NFASC: variants seen among roughly 807,000 people sequenced by gnomAD.
NFASC encodes neurofascin homolog.
Under a neutral mutation model 147.5 loss-of-function variants are expected in NFASC, and 43 were observed. The ratio of observed to expected loss-of-function variants is 0.29; its 90% CI spans 0.23 to 0.38. The LOEUF (loss-of-function observed/expected upper bound fraction) is 0.38. NFASC is among the 10% of genes least tolerant of loss of function. NFASC has a pLI of 1.00. For missense variants in NFASC, 1,320 were observed against 1,689.0 expected (o/e 0.78, Z 3.83); for synonymous variants, 622 against 665.5 (o/e 0.93, Z 1.01).
chr1:204,869,763 C>T (rs1306087326), intron 1 of NFASC, among the ~76,000 whole-genome samples: 2 of 152,166 alleles, frequency 1.3e-5, no homozygotes, highest in Non-Finnish European at 2.9e-5. Context: ...TGCTCCAGAG[C>T]TCTTATAATC....
intron 1 of NFASC, among the ~76,000 whole-genome samples, chr1:204,885,290 AC>A (rs2081099082): frequency 6.6e-6 from 1 of 152,136 alleles, no homozygotes; most frequent in Admixed American, 6.5e-5. Flanking sequence ...ACAGTGTGGA[AC>A]AAGGAGGAAA....
chr1:204,988,775 C>T lies in NFASC; in HGVS notation c.2736C>T (p.Val912=), dbSNP rs1476787650. The part of the protein sequence containing the change: ...ARTQVGSGEA[V]TEESPAPPNE... Reference sequence around the variant, plus strand: ...CGCAGGTGGGCTCTGGGGAAGCCGTCACAGAGGAGTCACCAGCACCCCCGA... The same window carrying T: ...CGCAGGTGGGCTCTGGGGAAGCCGTTACAGAGGAGTCACCAGCACCCCCGA... Residue 912 remains valine (V), a synonymous_variant, in exon 23 of 30, where the codon GTC becomes GTT. Transcript: ENST00000339876. 2 of 1,613,976 alleles carry T rather than the reference C, an allele frequency of 1.2e-6. No homozygotes were observed. Among genetic ancestry groups the T allele is most frequent in the African/African-American group, 2.7e-5 (2 of 74,866 alleles).
intron 1 of NFASC, among the ~76,000 whole-genome samples, chr1:204,879,191 C>T (rs2079623459): frequency 6.6e-6 from 1 of 152,156 alleles, no homozygotes; most frequent in Admixed American, 6.5e-5. Context: ...ATGCCAGACA[C>T]TAGGTGCTTT....
intron 4 of NFASC, among the ~76,000 whole-genome samples, chr1:204,951,080 C>T (rs1245960148): frequency 1.3e-5 from 2 of 151,920 alleles, no homozygotes; most frequent in African/African-American, 4.8e-5. Flanking sequence ...GTATGTTGTG[C>T]TAGGCATTGT....
chr1:204,846,953 G>GTGTGTGTGTC (rs111723969), intron 1 of NFASC, among the ~76,000 whole-genome samples: 19,921 of 130,658 alleles, frequency 0.15, 1,732 homozygotes, highest in East Asian at 0.48. Context: ...GTGTGTACGC[G>GTGTGTGTGTC]TGTGTGTGTG....
chr1:204,906,858 T>C (rs1007707592), intron 1 of NFASC, among the ~76,000 whole-genome samples: 15 of 152,268 alleles, frequency 9.9e-5, no homozygotes, highest in African/African-American at 3.6e-4. Context: ...TAATTTTTTG[T>C]ATTTTTAGTA....
chr1:204,982,103 G>C (rs540723411), intron 21 of NFASC, 83 bp downstream of exon 21: 2 of 904,712 alleles, frequency 2.2e-6, no homozygotes, highest in South Asian at 4.0e-5. Context: ...AGGAACCTTG[G>C]GGTGGGTATG....
intron 1 of NFASC, among the ~76,000 whole-genome samples, chr1:204,886,168 C>T (rs2081277289): frequency 6.6e-6 from 1 of 152,182 alleles, no homozygotes; most frequent in African/African-American, 2.4e-5. Flanking sequence ...TTTCGTTCAG[C>T]TTCTAAACTG....
intron 1 of NFASC, among the ~76,000 whole-genome samples, chr1:204,829,143 C>T (rs1248755023): frequency 6.7e-6 from 1 of 149,070 alleles, no homozygotes. Context: ...CTCGACACCC[C>T]ACTTTGGATG....
intron 1 of NFASC, among the ~76,000 whole-genome samples, chr1:204,840,181 A>G (rs903540341): frequency 6.6e-6 from 1 of 152,192 alleles, no homozygotes; most frequent in Non-Finnish European, 1.5e-5. Flanking sequence ...GGTCCCAGGT[A>G]ATGCCAGTAC....
Position 204,952,053 on chromosome 1 carries a change from AC to A in NFASC, c.153del (p.His51GlnfsTer10). ...PTITKQSAKD[H>X]IVDPRDNILI... ...ATCACCAAGCAGTCAGCGAAGGATC[AC>A]ATCGTGGACCCCCGTGATAACATCC... On this transcript the variant is annotated frameshift_variant, in exon 5 of 30. Coordinates refer to ENST00000339876, the MANE Select transcript of NFASC (RefSeq NM_001005388.3). LOFTEE classifies it high-confidence loss of function. 1 of 1,614,180 alleles carries A rather than the reference AC, an allele frequency of 6.2e-7. No individual in the cohort carries two copies. Among genetic ancestry groups the A allele is most frequent in the South Asian group, 1.1e-5 (1 of 91,082 alleles).
intron 1 of NFASC, among the ~76,000 whole-genome samples, chr1:204,867,268 C>A (rs1426749936): frequency 2.0e-5 from 3 of 152,024 alleles, no homozygotes; most frequent in Non-Finnish European, 4.4e-5. Flanking sequence ...ACTGCTCCAC[C>A]CACACAGAAA....
At chr1:204,947,232 C>T (rs1465288174) in intron 3 of NFASC, 1 of 192,710 alleles carries the variant, frequency 5.2e-6, no homozygotes, top group Non-Finnish European at 1.1e-5. Flanking sequence ...GAATGCAAGA[C>T]AGGAGGCCAG....
intron 2 of NFASC, among the ~76,000 whole-genome samples, chr1:204,924,269 A>G (rs969512534): frequency 2.0e-5 from 3 of 152,062 alleles, no homozygotes; most frequent in African/African-American, 7.2e-5. Flanking sequence ...TGATGTCTGT[A>G]TGGGATGTAA....
intron 2 of NFASC, among the ~76,000 whole-genome samples, chr1:204,939,826 C>A (rs2093225308): frequency 1.3e-5 from 2 of 152,258 alleles, no homozygotes; most frequent in African/African-American, 4.8e-5. Flanking sequence ...GTAAGCCTTG[C>A]TGATGTAGGG....
intron 1 of NFASC, among the ~76,000 whole-genome samples, chr1:204,912,956 A>C (rs1257286802): frequency 3.9e-5 from 6 of 152,202 alleles, no homozygotes; most frequent in African/African-American, 1.4e-4. Flanking sequence ...TGAGCCCTGG[A>C]GACTGAGGCT....
At chr1:204,974,104 C>A in intron 12 of NFASC, 75 bp from the exon 13 acceptor site, 2 of 1,188,262 alleles carry the variant, frequency 1.7e-6, no homozygotes, top group South Asian at 1.3e-5. Flanking sequence ...AGAAGGCATG[C>A]AGAGGTGAGA....
At chr1:204,886,191 GT>G (rs1250510912) in intron 1 of NFASC, among the ~76,000 whole-genome samples, 1 of 152,088 alleles carries the variant, frequency 6.6e-6, no homozygotes, top group Non-Finnish European at 1.5e-5. Context: ...TCAGCAGTCG[GT>G]TCCAAATAAA....
At chr1:204,897,461 T>C (rs142942417) in intron 1 of NFASC, among the ~76,000 whole-genome samples, 1 of 152,318 alleles carries the variant, frequency 6.6e-6, no homozygotes, top group African/African-American at 2.4e-5. Context: ...TCCCAATTTA[T>C]AGACAAGGAT....
Sources: gnomAD v4.1 joint callset for allele counts (sites outside exome capture counted in the v4.1 genomes callset) on GRCh38, gnomAD v4.1.1 for gene constraint, MANE v1.5 for transcripts, NCBI Gene and HGNC (gene_info 2026-07-23, HGNC 2026-07-21) for gene names.